The following BRAF variants were observed in gnomAD, a reference collection of about 807,000 sequenced individuals.
The protein encoded by BRAF is serine/threonine-protein kinase B-raf.
In BRAF, 16 loss-of-function variants were observed where a neutral mutation model predicts 104.6. The observed-to-expected ratio is 0.15, with a 90% CI of 0.10 to 0.23. The LOEUF is 0.23. BRAF is among the 10% of genes least tolerant of loss of function. The pLI, the probability that BRAF is intolerant of heterozygous loss-of-function variation, is 1.00. For synonymous variants in BRAF, 310 were observed against 341.6 expected, an observed-to-expected ratio of 0.91 and a Z score of 1.02; for missense variants, 541 against 937.3, an observed-to-expected ratio of 0.58 and a Z score of 5.52.
intron 1 of BRAF, among the ~76,000 whole-genome samples, chr7:140,883,883 T>C (rs962849159): frequency 6.6e-6 from 1 of 152,216 alleles, no homozygotes; most frequent in Non-Finnish European, 1.5e-5. Flanking sequence ...GTATTCCATG[T>C]TACAGATAAA....
At chr7:140,874,204 C>CTT (rs551211923) in intron 1 of BRAF, among the ~76,000 whole-genome samples, 12 of 137,614 alleles carry the variant, frequency 8.7e-5, no homozygotes, top group Non-Finnish European at 1.4e-4. Context: ...ATTTTACATA[C>CTT]TTTTTTTTTT....
chr7:140,857,144 G>T (rs754645094), intron 1 of BRAF, among the ~76,000 whole-genome samples: 2 of 152,110 alleles, frequency 1.3e-5, no homozygotes, highest in East Asian at 3.8e-4. Context: ...AAATGTAATC[G>T]ACAAGCATAC....
intron 7 of BRAF, chr7:140,799,743 C>T (rs752310252): frequency 1.7e-5 from 4 of 234,082 alleles, no homozygotes; most frequent in Non-Finnish European, 3.4e-5. Flanking sequence ...TTTATGTCCT[C>T]ATCACATACT....
At chr7:140,881,710 A>C (rs1369497261) in intron 1 of BRAF, among the ~76,000 whole-genome samples, 2 of 152,322 alleles carry the variant, frequency 1.3e-5, no homozygotes, top group African/African-American at 4.8e-5. Context: ...TTCAAGAGAC[A>C]TGTGACTCTT....
At chr7:140,829,085 C>T (rs1806403429) in intron 3 of BRAF, among the ~76,000 whole-genome samples, 1 of 151,618 alleles carries the variant, frequency 6.6e-6, no homozygotes, top group Non-Finnish European at 1.5e-5. Context: ...TTTTTCTTGC[C>T]AATTTTGAAG....
intron 3 of BRAF, among the ~76,000 whole-genome samples, chr7:140,828,751 T>C (rs1806364075): frequency 6.6e-6 from 1 of 152,212 alleles, no homozygotes; most frequent in African/African-American, 2.4e-5. Context: ...TGCTTTTATG[T>C]GCTAAATTCC....
intron 1 of BRAF, among the ~76,000 whole-genome samples, chr7:140,922,743 T>C (rs530302748): frequency 6.6e-6 from 1 of 152,284 alleles, no homozygotes; most frequent in South Asian, 2.1e-4. Flanking sequence ...TTAAAAACAA[T>C]GTATCCTAAA....
At chr7:140,861,728 T>C (rs1042760778) in intron 1 of BRAF, among the ~76,000 whole-genome samples, 1 of 152,350 alleles carries the variant, frequency 6.6e-6, no homozygotes, top group East Asian at 1.9e-4. Context: ...GTGCTATATC[T>C]GTGTCTATAA....
chr7:140,763,868 A>G (rs1562947792), intron 14 of BRAF, among the ~76,000 whole-genome samples: 1 of 152,246 alleles, frequency 6.6e-6, no homozygotes, highest in Non-Finnish European at 1.5e-5. Flanking sequence ...TACCAGAGAT[A>G]CAAGGAGGAA....
At chr7:140,752,023 T>C (rs1797833528) in intron 16 of BRAF, among the ~76,000 whole-genome samples, 1 of 152,228 alleles carries the variant, frequency 6.6e-6, no homozygotes, top group African/African-American at 2.4e-5. Flanking sequence ...AAAGAACTTT[T>C]GTTTAGGTAG....
intron 1 of BRAF, among the ~76,000 whole-genome samples, chr7:140,898,598 G>C (rs1029709448): frequency 6.6e-6 from 1 of 152,064 alleles, no homozygotes; most frequent in Admixed American, 6.6e-5. Flanking sequence ...GCAAAACATC[G>C]TTCCATTAAA....
chr7:140,871,112 C>T (rs536474385), intron 1 of BRAF, among the ~76,000 whole-genome samples: 12 of 149,854 alleles, frequency 8.0e-5, no homozygotes, highest in Non-Finnish European at 1.6e-4. Flanking sequence ...CATGGTGACA[C>T]GTGCCTGTAG....
At chr7:140,772,929 T>G (rs571874910) in intron 14 of BRAF, among the ~76,000 whole-genome samples, 1 of 152,292 alleles carries the variant, frequency 6.6e-6, no homozygotes, top group East Asian at 1.9e-4. Context: ...TAAATTAACA[T>G]TTAAAAGTTA....
At chr7:140,766,895 G>T (rs1284568932) in intron 14 of BRAF, among the ~76,000 whole-genome samples, 1 of 152,126 alleles carries the variant, frequency 6.6e-6, no homozygotes, top group Non-Finnish European at 1.5e-5. Context: ...GACTCACTCT[G>T]TTACCCAAGC....
intron 17 of BRAF, among the ~76,000 whole-genome samples, chr7:140,742,113 A>T (rs756914063): frequency 8.5e-5 from 13 of 152,202 alleles, no homozygotes; most frequent in African/African-American, 1.2e-4. Flanking sequence ...ATAGGTCTAT[A>T]GTCTTTAAAT....
chr7:140,777,204 T>TA (rs1800421833), intron 13 of BRAF, 116 bp from the exon 13 acceptor site: 9 of 1,086,276 alleles, frequency 8.3e-6, no homozygotes, highest in Admixed American at 2.3e-5. Flanking sequence ...TTTTTTTTTT[T>TA]TAAAAAAGGC....
intron 1 of BRAF, among the ~76,000 whole-genome samples, chr7:140,919,837 T>TTTTG (rs1554429863): frequency 4.6e-5 from 7 of 151,982 alleles, no homozygotes; most frequent in South Asian, 2.1e-4. Context: ...TTTGTTTTTT[T>TTTTG]TTTGTTTGTT....
rs772768251 is a variant in BRAF at position 140,776,995 on chromosome 7, C to T, written c.1731G>A (p.Leu577=). 1.9e-6 allele frequency: 3 copies of T among 1,613,752 alleles called. No individual in the cohort carries two copies. Among genetic ancestry groups the T allele is most frequent in the South Asian group, 2.2e-5 (2 of 91,066 alleles). Residue 577 remains leucine (L), a synonymous_variant, in exon 14 of 20, where the codon TTG becomes TTA. Transcript: ENST00000644969. ...IVTQWCEGSS[L]YHHLHIIETK... is the part of the protein sequence containing the mutation. The stretch of plus-strand genomic sequence containing the variant: ...TCTCAATGATATGGAGATGGTGATA[C>T]AAGCTGGAGCCCTCACACCACTGGG...
rs1308535463 is a variant in BRAF at position 140,735,436 on chromosome 7, A to G, written c.2248-666T>C. Among the ~76,000 whole-genome samples, 6 of 152,266 alleles carry G rather than the reference A, an allele frequency of 3.9e-5. No individual in the cohort carries two copies. In the South Asian group the frequency reaches 1.2e-3, roughly 31 times the overall value. On this transcript the variant is annotated intron_variant, in intron 18 of 19. Coordinates refer to ENST00000644969, the MANE Select transcript of BRAF (RefSeq NM_001374258.1). ...AATCCTTGAAGGCATACAGCATGAT[A>G]ATGCATGTTCATAATCATGAAACAT...
Sources: allele counts gnomAD v4.1 joint callset (sites outside exome capture counted in the v4.1 genomes callset), GRCh38; gene constraint gnomAD v4.1.1; transcripts MANE v1.5; gene names NCBI Gene and HGNC (gene_info 2026-07-23, HGNC 2026-07-21).